The following GLCCI1 variants were observed in gnomAD, a reference collection of about 807,000 sequenced individuals.
The protein encoded by GLCCI1 is glucocorticoid induced 1.
In GLCCI1, 24 loss-of-function variants were observed where a neutral mutation model predicts 52.2. The observed-to-expected ratio is 0.46, with a 90% confidence interval of 0.33 to 0.65. The LOEUF is 0.65. GLCCI1 is among the 30% of genes least tolerant of loss of function. The probability of loss-of-function intolerance (pLI) is 0.02; values close to 1 mark genes in which losing one functional copy is unlikely to be tolerated. For synonymous variants in GLCCI1, 310 were observed against 276.5 expected (o/e 1.12, Z -1.20); for missense variants, 704 against 701.5 (o/e 1.00, Z -0.04).
intron 3 of GLCCI1, among the ~76,000 whole-genome samples, chr7:8,037,710 T>A (rs954830115): frequency 1.3e-5 from 2 of 151,984 alleles, no homozygotes; most frequent in Admixed American, 6.6e-5. Flanking sequence ...AAGACATTCC[T>A]TGCAAATGGA....
rs1781519906 is a variant in GLCCI1, at chr7:8,022,648, C to T, written c.696+79C>T. 5 of 785,450 alleles carry T rather than the reference C, an allele frequency of 6.4e-6. No individual in the cohort carries two copies. In the South Asian group the frequency reaches 1.2e-4, roughly 19 times the overall value. 48.7% of individuals were successfully genotyped at this position (785,450 alleles called of 1,614,324 possible). On this transcript the variant is annotated intron_variant, in intron 3 of 7. Transcript: ENST00000223145. ...TTAGTATTTCCTGAATGTAATGACACTTTTAAAATTTATCCTAACCTTACC... is the reference window on the plus strand; with the variant it reads ...TTAGTATTTCCTGAATGTAATGACATTTTTAAAATTTATCCTAACCTTACC...
intron 6 of GLCCI1, among the ~76,000 whole-genome samples, chr7:8,072,133 G>A (rs1455455724): frequency 6.6e-6 from 1 of 152,088 alleles, no homozygotes; most frequent in African/African-American, 2.4e-5. Flanking sequence ...TTCCCAAATA[G>A]TATCCTTCCT....
intron 6 of GLCCI1, among the ~76,000 whole-genome samples, chr7:8,072,487 C>T (rs1170252322): frequency 6.6e-6 from 1 of 152,138 alleles, no homozygotes; most frequent in African/African-American, 2.4e-5. Flanking sequence ...AAATGTCAGA[C>T]TAGGAAATTT....
intron 1 of GLCCI1, among the ~76,000 whole-genome samples, chr7:7,989,552 T>C (rs185093808): frequency 6.6e-6 from 1 of 152,158 alleles, no homozygotes; most frequent in Non-Finnish European, 1.5e-5. Context: ...ACGAGAAATA[T>C]GGAGCTATTC....
intron 4 of GLCCI1, among the ~76,000 whole-genome samples, chr7:8,058,090 G>GAAA (rs1224020056): frequency 6.6e-6 from 1 of 152,056 alleles, no homozygotes; most frequent in Admixed American, 6.5e-5. Context: ...TTTCCATAAT[G>GAAA]AAAAGGGGAA....
intron 2 of GLCCI1, among the ~76,000 whole-genome samples, chr7:8,018,595 T>C (rs1046720789): frequency 2.0e-5 from 3 of 152,064 alleles, no homozygotes; most frequent in Admixed American, 2.0e-4. Context: ...GCCCTAGAGG[T>C]TGGAAAGAAA....
chr7:8,047,589 A>G (rs977371214), intron 3 of GLCCI1, among the ~76,000 whole-genome samples: 1 of 152,238 alleles, frequency 6.6e-6, no homozygotes, highest in Non-Finnish European at 1.5e-5. Context: ...TAGTGTCAAC[A>G]TGTGCATTAA....
intron 1 of GLCCI1, among the ~76,000 whole-genome samples, chr7:7,972,278 C>T (rs1396744752): frequency 2.6e-5 from 4 of 152,172 alleles, no homozygotes; most frequent in Non-Finnish European, 5.9e-5. Context: ...TGCTCCATTT[C>T]TTCCTCTGCT....
chr7:8,007,342 C>T (rs1323503071), intron 2 of GLCCI1, among the ~76,000 whole-genome samples: 3 of 152,186 alleles, frequency 2.0e-5, no homozygotes, highest in African/African-American at 4.8e-5. Flanking sequence ...GTACTACGTA[C>T]GTAGTACATC....
chr7:8,016,567 G>T (rs1008488839), intron 2 of GLCCI1, among the ~76,000 whole-genome samples: 1 of 152,142 alleles, frequency 6.6e-6, no homozygotes, highest in Admixed American at 6.5e-5. Context: ...GCCTCTTAAG[G>T]TATACTGTTT....
intron 1 of GLCCI1, among the ~76,000 whole-genome samples, chr7:7,971,465 G>C (rs1300933405): frequency 6.6e-6 from 1 of 152,216 alleles, no homozygotes; most frequent in African/African-American, 2.4e-5. Context: ...TGCACAAATT[G>C]AGTTTTGGGA....
At chr7:8,066,498 G>T (rs181321509) in intron 5 of GLCCI1, among the ~76,000 whole-genome samples, 6 of 150,612 alleles carry the variant, frequency 4.0e-5, no homozygotes, top group African/African-American at 1.5e-4. Context: ...ATCTGAGATC[G>T]GATTTTTATG....
At chr7:8,001,237 G>A (rs1038265348) in intron 1 of GLCCI1, among the ~76,000 whole-genome samples, 4 of 152,178 alleles carry the variant, frequency 2.6e-5, no homozygotes, top group Non-Finnish European at 4.4e-5. Flanking sequence ...AGGCCTGGTG[G>A]TGACAACATC....
chr7:8,011,426 C>T (rs1246561300), intron 2 of GLCCI1, among the ~76,000 whole-genome samples: 1 of 152,128 alleles, frequency 6.6e-6, no homozygotes, highest in Non-Finnish European at 1.5e-5. Context: ...GTTTATTTTA[C>T]TTAGTATAAT....
At chr7:7,973,855 T>C (rs1780406148) in intron 1 of GLCCI1, among the ~76,000 whole-genome samples, 1 of 152,138 alleles carries the variant, frequency 6.6e-6, no homozygotes, top group Non-Finnish European at 1.5e-5. Flanking sequence ...CTTAAATTTA[T>C]CTTTTTAAGT....
At chr7:8,034,720 C>G (rs971915576) in intron 3 of GLCCI1, among the ~76,000 whole-genome samples, 5 of 152,030 alleles carry the variant, frequency 3.3e-5, no homozygotes, top group Non-Finnish European at 5.9e-5. Flanking sequence ...AGCTAGGACA[C>G]AGAAAAAGAA....
chr7:8,081,495 A>G (rs942769090), intron 6 of GLCCI1, among the ~76,000 whole-genome samples: 4 of 152,180 alleles, frequency 2.6e-5, no homozygotes, highest in Non-Finnish European at 5.9e-5. Context: ...TGATATATAT[A>G]TTTTTGAGAC....
chr7:7,972,323 A>ATGTGTGTGTG (rs140431128), intron 1 of GLCCI1, among the ~76,000 whole-genome samples: 3 of 149,690 alleles, frequency 2.0e-5, no homozygotes, highest in African/African-American at 7.3e-5. Flanking sequence ...ACTTCAGTGT[A>ATGTGTGTGTG]TGTGTGTGTG....
At chr7:8,084,244 G>T (rs144940349) in intron 6 of GLCCI1, among the ~76,000 whole-genome samples, 1 of 152,240 alleles carries the variant, frequency 6.6e-6, no homozygotes, top group South Asian at 2.1e-4. Flanking sequence ...TGAGGAAAAC[G>T]TGTTAGGTAG....
Sources: gnomAD v4.1 joint callset for allele counts (sites outside exome capture counted in the v4.1 genomes callset) on GRCh38, gnomAD v4.1.1 for gene constraint, MANE v1.5 for transcripts, NCBI Gene and HGNC (gene_info 2026-07-23, HGNC 2026-07-21) for gene names.